The following TRPC4 variants were observed in gnomAD, a reference collection of about 807,000 sequenced individuals.
TRPC4 encodes the protein transient receptor potential cation channel subfamily C member 4.
Under a neutral mutation model 99.4 loss-of-function variants are expected in TRPC4, and 49 were observed. The observed-to-expected ratio is 0.49, with a 90% CI of 0.39 to 0.63. TRPC4 has a LOEUF of 0.63. Ranked by LOEUF, TRPC4 falls within the 20% of genes least tolerant of loss-of-function variation. The pLI is 0.00. For synonymous variants in TRPC4, 454 were observed against 425.9 expected, an observed-to-expected ratio of 1.07 and a Z score of -0.81; for missense variants, 898 against 1,152.9, an observed-to-expected ratio of 0.78 and a Z score of 3.20.
intron 3 of TRPC4, among the ~76,000 whole-genome samples, chr13:37,719,637 A>G (rs2139026954): frequency 6.6e-6 from 1 of 152,300 alleles, no homozygotes; most frequent in African/African-American, 2.4e-5. Flanking sequence ...TGGAATGTAT[A>G]TGTCAACTAC....
Position 37,634,213 on chromosome 13 carries a change from A to C in TRPC4, c.*2690T>G, listed in dbSNP as rs1038135458. ...ATATGAATAGAAACGAACACCCTGA[A>C]GTACGCACTTACAAACCTCAAAGAA... is the stretch of plus-strand genomic sequence containing the variant. On this transcript the variant is annotated 3_prime_UTR_variant, in exon 11 of 11. Coordinates refer to ENST00000379705, the MANE Select transcript of TRPC4 (RefSeq NM_016179.4). 2.6e-5 allele frequency among the ~76,000 whole-genome samples: 4 copies of C among 152,096 alleles called. No homozygotes were observed. The highest frequency in any genetic ancestry group is 9.7e-5 in the African/African-American group (4 of 41,436).
At chr13:37,800,790 G>A (rs1440053253) in intron 1 of TRPC4, among the ~76,000 whole-genome samples, 1 of 151,562 alleles carries the variant, frequency 6.6e-6, no homozygotes, top group East Asian at 1.9e-4. Context: ...ATAAAATTAT[G>A]AATACAATAT....
intron 1 of TRPC4, among the ~76,000 whole-genome samples, chr13:37,857,991 G>C (rs1331617524): frequency 6.6e-6 from 1 of 151,626 alleles, no homozygotes; most frequent in Non-Finnish European, 1.5e-5. Context: ...CCATAGAATG[G>C]GAGAAAATAT....
intron 4 of TRPC4, among the ~76,000 whole-genome samples, chr13:37,690,787 AAC>A (rs1295810926): frequency 6.7e-6 from 1 of 150,198 alleles, no homozygotes; most frequent in Admixed American, 6.7e-5. Context: ...AAAACTGAAA[AAC>A]ATATTTATCT....
At chr13:37,809,579 C>T (rs1440287894) in intron 1 of TRPC4, among the ~76,000 whole-genome samples, 2 of 151,708 alleles carry the variant, frequency 1.3e-5, no homozygotes, top group African/African-American at 4.8e-5. Context: ...TAACATGTCT[C>T]AAGAGAGTGT....
At chr13:37,828,364 G>C (rs1958312650) in intron 1 of TRPC4, among the ~76,000 whole-genome samples, 2 of 151,422 alleles carry the variant, frequency 1.3e-5, no homozygotes, top group Non-Finnish European at 2.9e-5. Context: ...GGAGAAAAGG[G>C]AATGCTTATA....
At chr13:37,774,530 G>A (rs945367870) in intron 2 of TRPC4, among the ~76,000 whole-genome samples, 12 of 151,718 alleles carry the variant, frequency 7.9e-5, no homozygotes, top group South Asian at 2.1e-4. Context: ...ATGTTCTGGG[G>A]TACAAGTGGA....
intron 2 of TRPC4, among the ~76,000 whole-genome samples, chr13:37,747,199 G>T (rs1206742794): frequency 2.0e-5 from 3 of 152,140 alleles, no homozygotes; most frequent in Non-Finnish European, 4.4e-5. Context: ...GGATGGTAAT[G>T]ATGAAAATAA....
intron 1 of TRPC4, among the ~76,000 whole-genome samples, chr13:37,806,872 G>A (rs953532308): frequency 1.3e-5 from 2 of 151,968 alleles, no homozygotes; most frequent in African/African-American, 4.8e-5. Flanking sequence ...GCTCCACAGT[G>A]GGCGCTGTCT....
In TRPC4 at chr13:37,787,554, G is replaced by A. The variant is rs569414731; in HGVS notation, c.-27-4194C>T. Among the ~76,000 whole-genome samples the A allele has an allele frequency of 4.3e-4, 65 of 151,982 alleles. No individual in the cohort carries two copies. In the South Asian group the frequency reaches 0.013, roughly 30 times the overall value. ...TCCTTAGGCAAGAAACAATACATAC[G>A]TTTCAGTAGCTGCAAGTGTTACATA... On this transcript the variant is annotated intron_variant, in intron 1 of 10. Coordinates refer to ENST00000379705, the MANE Select transcript of TRPC4 (RefSeq NM_016179.4).
At chr13:37,830,060 C>T (rs1035835603) in intron 1 of TRPC4, among the ~76,000 whole-genome samples, 3 of 152,058 alleles carry the variant, frequency 2.0e-5, no homozygotes, top group African/African-American at 4.8e-5. Flanking sequence ...GACAAAAATG[C>T]TCTGAAATTA....
chr13:37,664,589 G>A (rs1460654398), intron 5 of TRPC4, among the ~76,000 whole-genome samples: 2 of 145,384 alleles, frequency 1.4e-5, no homozygotes, highest in Non-Finnish European at 3.0e-5. Flanking sequence ...GAAAAAAAAA[G>A]GGTCAAATAT....
chr13:37,676,928 T>TAC (rs1451560320), intron 4 of TRPC4, among the ~76,000 whole-genome samples: 1 of 151,564 alleles, frequency 6.6e-6, no homozygotes, highest in Non-Finnish European at 1.5e-5. Flanking sequence ...TGTGTGTATA[T>TAC]ATATATATGT....
At chr13:37,836,537 T>C (rs1958571484) in intron 1 of TRPC4, among the ~76,000 whole-genome samples, 1 of 152,154 alleles carries the variant, frequency 6.6e-6, no homozygotes, top group East Asian at 1.9e-4. Flanking sequence ...GTTGTTATGT[T>C]TTAGCAAAGA....
chr13:37,741,453 G>A (rs1413001), intron 3 of TRPC4, among the ~76,000 whole-genome samples: 144,542 of 152,236 alleles, frequency 0.95, 68,977 homozygotes, highest in East Asian at 1. Context: ...TTTGTTTCCA[G>A]TTTCCTTTGT....
chr13:37,710,423 A>C (rs1954443536), intron 3 of TRPC4, among the ~76,000 whole-genome samples: 1 of 151,854 alleles, frequency 6.6e-6, no homozygotes, highest in Admixed American at 6.6e-5. Context: ...TTTTAAAAAG[A>C]GTTGTTTATT....
chr13:37,698,167 C>CTTTTTTTTTTTTTTTTTTTTTTTTTT (rs67611413), intron 3 of TRPC4, among the ~76,000 whole-genome samples: 1,328 of 42,552 alleles, frequency 0.031, 565 homozygotes, highest in East Asian at 0.099. Context: ...AAGGACTAAC[C>CTTTTTTTTTTTTTTTTTTTTTTTTTT]TTTTTTTTTT....
At chr13:37,806,645 T>C (rs1423862667) in intron 1 of TRPC4, among the ~76,000 whole-genome samples, 2 of 152,078 alleles carry the variant, frequency 1.3e-5, no homozygotes, top group African/African-American at 4.8e-5. Context: ...CCTTTTGTCC[T>C]TATTAAGACC....
At chr13:37,789,105 C>G (rs998254374) in intron 1 of TRPC4, among the ~76,000 whole-genome samples, 31 of 152,090 alleles carry the variant, frequency 2.0e-4, no homozygotes, top group African/African-American at 7.2e-4. Context: ...AAATCACTTT[C>G]TTACTGATAG....
Sources: allele counts gnomAD v4.1 joint callset (sites outside exome capture counted in the v4.1 genomes callset), GRCh38; gene constraint gnomAD v4.1.1; transcripts MANE v1.5; gene names NCBI Gene and HGNC (gene_info 2026-07-23, HGNC 2026-07-21).